RSPH1: variants seen among roughly 807,000 people sequenced by gnomAD.
The protein encoded by RSPH1 is radial spoke head component 1.
A neutral mutation model predicts 44.2 loss-of-function variants in RSPH1; 32 were observed. The ratio of observed to expected loss-of-function variants is 0.72; its 90% confidence interval spans 0.55 to 0.97. The LOEUF is 0.97. RSPH1 is among the 50% of genes least tolerant of loss of function. RSPH1 has a pLI of 0.00. For missense variants in RSPH1, 391 were observed against 398.7 expected (o/e 0.98, Z 0.16); for synonymous variants, 134 against 147.3 (o/e 0.91, Z 0.65).
chr21:42,486,354 C>T lies in RSPH1; in HGVS notation c.365+17G>A. 6.3e-7 allele frequency: 1 copy of T among 1,576,478 alleles called. No individual in the cohort carries two copies. The highest frequency in any genetic ancestry group is 2.2e-5 in the East Asian group (1 of 44,700). ...TACATAAGCAAATCCCGTTAAGACC[C>T]AAGATAGAAACCGAACCTTTGATGA... is the stretch of plus-strand genomic sequence containing the variant. On this transcript the variant is annotated intron_variant, in intron 4 of 8. Transcript: ENST00000291536.
intron 1 of RSPH1, among the ~76,000 whole-genome samples, chr21:42,494,454 G>A (rs191341496): frequency 4.6e-5 from 7 of 152,264 alleles, no homozygotes; most frequent in African/African-American, 1.7e-4. Flanking sequence ...TTCAGGGTTA[G>A]TTTACATCAA....
At chr21:42,492,608 T>C in intron 3 of RSPH1, 150 bp downstream of exon 3, 1 of 602,338 alleles carries the variant, frequency 1.7e-6, no homozygotes, top group Non-Finnish European at 3.0e-6. Context: ...GCATCAACAC[T>C]GTGAATATAG....
At position 42,472,829 on chromosome 21, in the gene RSPH1, G is replaced by C; in HGVS notation, c.919C>G (p.Leu307Val). The change falls in exon 9 of 9, where the codon CTC becomes GTC. Residue 307 changes from leucine (L) to valine (V), a missense_variant. Leu to Val is a conservative substitution (Grantham distance 32). Coordinates refer to ENST00000291536, the MANE Select transcript of RSPH1 (RefSeq NM_080860.4). ...CGGCTCACTTCATCTTAGTCCTGGA[G>C]GTCTGACTGTCTAGTTTCTTCTTCT... ...SEEEETRQSD[L>V]QD 1 of 1,610,316 alleles carries C rather than the reference G, an allele frequency of 6.2e-7. No homozygotes were observed. Among genetic ancestry groups the C allele is most frequent in the East Asian group, 2.2e-5 (1 of 44,850 alleles).
chr21:42,488,585 T>G (rs997944590), intron 3 of RSPH1, among the ~76,000 whole-genome samples: 1 of 152,140 alleles, frequency 6.6e-6, no homozygotes, highest in Non-Finnish European at 1.5e-5. Context: ...TATTACATAT[T>G]TTGCAGAAAA....
intron 8 of RSPH1, among the ~76,000 whole-genome samples, chr21:42,473,592 C>G (rs2054015153): frequency 1.3e-5 from 2 of 151,538 alleles, no homozygotes; most frequent in Admixed American, 6.6e-5. Flanking sequence ...TAATTAAACT[C>G]TATAACTTTC....
At chr21:42,473,403 A>C (rs1023465189) in intron 8 of RSPH1, among the ~76,000 whole-genome samples, 2 of 151,952 alleles carry the variant, frequency 1.3e-5, no homozygotes, top group Non-Finnish European at 2.9e-5. Flanking sequence ...AGGCAAGAGA[A>C]TCGCTTGAAC....
At chr21:42,489,908 G>C (rs1368030678) in intron 3 of RSPH1, among the ~76,000 whole-genome samples, 2 of 152,176 alleles carry the variant, frequency 1.3e-5, no homozygotes, top group African/African-American at 4.8e-5. Flanking sequence ...AAAAAACCCA[G>C]GTTCAAGTTA....
At chr21:42,478,558 A>G (rs1262578717) in intron 6 of RSPH1, among the ~76,000 whole-genome samples, 1 of 152,268 alleles carries the variant, frequency 6.6e-6, no homozygotes, top group Non-Finnish European at 1.5e-5. Context: ...ACGCCACTTT[A>G]TGTATAAAAC....
At chr21:42,482,337 C>A (rs1325457567) in intron 6 of RSPH1, among the ~76,000 whole-genome samples, 2 of 152,236 alleles carry the variant, frequency 1.3e-5, no homozygotes, top group Non-Finnish European at 2.9e-5. Flanking sequence ...ACCGCTTCGG[C>A]CTCCCAAAGT....
intron 2 of RSPH1, 30 bp from the exon 3 acceptor site, chr21:42,492,893 C>A: frequency 6.4e-7 from 1 of 1,571,126 alleles, no homozygotes; most frequent in Non-Finnish European, 8.8e-7. Context: ...TCATTCATAT[C>A]ATTGCTGAAT....
At chr21:42,482,778 C>T in intron 5 of RSPH1, 70 bp from the exon 6 acceptor site, 2 of 1,099,852 alleles carry the variant, frequency 1.8e-6, no homozygotes, top group Admixed American at 1.9e-5. Flanking sequence ...AATGTCACCA[C>T]CACAATACCC....
intron 8 of RSPH1, 52 bp downstream of exon 8, chr21:42,475,846 C>A: frequency 3.8e-6 from 6 of 1,590,306 alleles, no homozygotes; most frequent in Non-Finnish European, 5.1e-6. Context: ...TCCCACTGTT[C>A]GTGGCCCCTA....
chr21:42,480,853 C>T (rs1301144753), intron 6 of RSPH1, among the ~76,000 whole-genome samples: 1 of 152,130 alleles, frequency 6.6e-6, no homozygotes, highest in Non-Finnish European at 1.5e-5. Flanking sequence ...AAGCTCCCCA[C>T]AGTGTGGCTT....
intron 7 of RSPH1, among the ~76,000 whole-genome samples, chr21:42,476,803 C>T (rs1022886138): frequency 1.3e-5 from 2 of 152,172 alleles, no homozygotes; most frequent in Admixed American, 6.5e-5. Flanking sequence ...TTCCTCTCCC[C>T]TCCGCTCTCC....
intron 5 of RSPH1, chr21:42,484,638 G>C (rs1328947877): frequency 1.3e-5 from 2 of 152,100 alleles, no homozygotes; most frequent in Non-Finnish European, 2.9e-5. Flanking sequence ...ATAATTTAAA[G>C]TTTTTTACTA....
In RSPH1 at chr21:42,493,036, C is replaced by T. The variant is rs145742147; in HGVS notation, c.98G>A (p.Arg33His). 2.3e-4 allele frequency: 368 copies of T among 1,614,214 alleles called. 3 individuals are homozygous for T. The highest frequency in any genetic ancestry group is 2.1e-3 in the South Asian group (191 of 91,090). ...CCCGTTGGGTAGCCGTGCCCTCCCA[C>T]GTCCGTGCCTTTCGCCTGCCTCATT... is the stretch of plus-strand genomic sequence containing the variant. ...GRNEAGERHG[R>H]GRARLPNGDT... is the part of the protein sequence containing the mutation. The change falls in exon 2 of 9, where the codon CGT becomes CAT. Residue 33 changes from arginine (R) to histidine (H), a missense_variant. Physicochemically the swap from Arg to His is conservative, Grantham distance 29. Transcript: ENST00000291536.
At chr21:42,473,929 G>C (rs2054018538) in intron 8 of RSPH1, among the ~76,000 whole-genome samples, 1 of 152,142 alleles carries the variant, frequency 6.6e-6, no homozygotes, top group African/African-American at 2.4e-5. Context: ...TGAGTTAAGG[G>C]GGTGTTCCCT....
intron 6 of RSPH1, among the ~76,000 whole-genome samples, chr21:42,481,723 G>A (rs2146650475): frequency 6.6e-6 from 1 of 152,272 alleles, no homozygotes; most frequent in Non-Finnish European, 1.5e-5. Context: ...AAATGTTGCT[G>A]AATTGCTAAT....
At chr21:42,476,896 C>T (rs561185231) in intron 7 of RSPH1, among the ~76,000 whole-genome samples, 1 of 152,294 alleles carries the variant, frequency 6.6e-6, no homozygotes, top group African/African-American at 2.4e-5. Flanking sequence ...TCAGAGAGTC[C>T]AACCACACCT....
Sources: gnomAD v4.1 joint callset for allele counts (sites outside exome capture counted in the v4.1 genomes callset) on GRCh38, gnomAD v4.1.1 for gene constraint, MANE v1.5 for transcripts, NCBI Gene and HGNC (gene_info 2026-07-23, HGNC 2026-07-21) for gene names.